Variants in DUSP26 observed in about 807,000 individuals in gnomAD.
DUSP26 encodes the protein dual specificity protein phosphatase 26.
A neutral mutation model predicts 20.0 loss-of-function variants in DUSP26; 12 were observed. The observed-to-expected ratio is 0.60, with a 90% CI of 0.38 to 0.97. The LOEUF is 0.97. DUSP26 is among the 50% of genes least tolerant of loss of function. The pLI is 0.00. For synonymous variants in DUSP26, 120 were observed against 118.8 expected (o/e 1.01, Z -0.06); for missense variants, 230 against 294.0 (o/e 0.78, Z 1.59).
At chr8:33,599,262 C>A (rs1165275518) in intron 1 of DUSP26, among the ~76,000 whole-genome samples, 1 of 152,152 alleles carries the variant, frequency 6.6e-6, no homozygotes, top group Non-Finnish European at 1.5e-5. Context: ...CTGCTGTCTA[C>A]GAGATGATGA....
chr8:33,591,653 T>G lies in DUSP26; in HGVS notation c.*360A>C. Reference sequence around the variant, plus strand: ...ACAAGTGCAGGGCAGAGATGGCCCTTTTGTTTTGGTGAGGGAGAGAGGGAA... The same window carrying G: ...ACAAGTGCAGGGCAGAGATGGCCCTGTTGTTTTGGTGAGGGAGAGAGGGAA... On this transcript the variant is annotated 3_prime_UTR_variant, in exon 4 of 4. Coordinates refer to ENST00000256261, the MANE Select transcript of DUSP26 (RefSeq NM_024025.3). The G allele has an allele frequency of 7.3e-6, 2 of 275,838 alleles. No individual in the cohort carries two copies. The highest frequency in any genetic ancestry group is 5.1e-5 in the Admixed American group (1 of 19,590). The allele number at this position is 275,838 out of a possible 1,614,324, so 17.1% of individuals were successfully genotyped here.
Position 33,591,947 on chromosome 8 carries a change from C to T in DUSP26, c.*66G>A. ...GCCTCCTGCTACCTGCCACCTGGGC[C>T]TCCTATCTCCAGCTGGGAGCCAGGG... On this transcript the variant is annotated 3_prime_UTR_variant, in exon 4 of 4. Transcript: ENST00000256261. 6.3e-7 allele frequency: 1 copy of T among 1,587,510 alleles called. No individual in the cohort carries two copies. Among genetic ancestry groups the T allele is most frequent in the Non-Finnish European group, 8.6e-7 (1 of 1,167,698 alleles).
rs913055635 is a variant in DUSP26 at position 33,591,481 on chromosome 8, C to T, written c.*532G>A. On this transcript the variant is annotated 3_prime_UTR_variant, in exon 4 of 4. Coordinates refer to ENST00000256261, the MANE Select transcript of DUSP26 (RefSeq NM_024025.3). Reference sequence around the variant, plus strand: ...AACCCTCACACGCTAGCTACCTCCTCCTGTGCTTGGAGTGGAAAGTCTGTG... The same window carrying T: ...AACCCTCACACGCTAGCTACCTCCTTCTGTGCTTGGAGTGGAAAGTCTGTG... The T allele has an allele frequency of 9.1e-5, 14 of 153,878 alleles. No homozygotes were observed. Among genetic ancestry groups the T allele is most frequent in the African/African-American group, 3.1e-4 (13 of 41,458 alleles). 9.5% of individuals were successfully genotyped at this position (153,878 alleles called of 1,614,324 possible).
chr8:33,591,672 G>C lies in DUSP26; in HGVS notation c.*341C>G. On this transcript the variant is annotated 3_prime_UTR_variant, in exon 4 of 4. Coordinates refer to ENST00000256261, the MANE Select transcript of DUSP26 (RefSeq NM_024025.3). The stretch of plus-strand genomic sequence containing the variant: ...GGCCCTTTTGTTTTGGTGAGGGAGA[G>C]AGGGAAACACTTGGGCACAAAGAGG... 3.2e-6 allele frequency: 1 copy of C among 314,626 alleles called. No individual in the cohort carries two copies. Among genetic ancestry groups the C allele is most frequent in the East Asian group, 8.7e-5 (1 of 11,518 alleles). The allele number at this position is 314,626 out of a possible 1,614,324, so 19.5% of individuals were successfully genotyped here.
intron 2 of DUSP26, among the ~76,000 whole-genome samples, chr8:33,594,282 A>C (rs1811091634): frequency 1.3e-5 from 2 of 151,982 alleles, no homozygotes; most frequent in Non-Finnish European, 2.9e-5. Context: ...GATGGGGTAA[A>C]AATAGCCATA....
Position 33,593,716 on chromosome 8 carries a change from G to T in DUSP26, c.253C>A (p.Arg85Ser), listed in dbSNP as rs376510848. The change falls in exon 3 of 4, where the codon CGC (arginine) becomes AGC (serine). Residue 85 changes from arginine (R) to serine (S), a missense_variant. Arg to Ser is a moderately radical substitution (Grantham distance 110). Coordinates refer to ENST00000256261, the MANE Select transcript of DUSP26 (RefSeq NM_024025.3). ...DMANNRRELR[R>S]LGITHVLNAS... ...TTGAGGACGTGCGTGATGCCCAGGC[G>T]GCGAAGCTCCCGGCGGTTGTTAGCC... is the stretch of plus-strand genomic sequence containing the variant. 1 of 1,614,214 alleles carries T rather than the reference G, an allele frequency of 6.2e-7. No homozygotes were observed. Among genetic ancestry groups the T allele is most frequent in the South Asian group, 1.1e-5 (1 of 91,080 alleles).
At chr8:33,595,814 A>C (rs760591983) in intron 2 of DUSP26, among the ~76,000 whole-genome samples, 1 of 152,016 alleles carries the variant, frequency 6.6e-6, no homozygotes, top group Non-Finnish European at 1.5e-5. Flanking sequence ...CAAACTCCTT[A>C]AGCAGAAAGA....
At chr8:33,593,890 G>T in intron 2 of DUSP26, 143 bp from the exon 3 acceptor site, 1 of 930,244 alleles carries the variant, frequency 1.1e-6, no homozygotes. Context: ...AGGCCAGAGT[G>T]CTCACTGCCA....
In DUSP26 at chr8:33,591,885, G is replaced by A. The variant is rs895474980; in HGVS notation, c.*128C>T. The A allele has an allele frequency of 1.1e-5, 12 of 1,075,932 alleles. No individual in the cohort carries two copies. The highest frequency in any genetic ancestry group is 3.2e-5 in the African/African-American group (2 of 62,830). The allele number at this position is 1,075,932 out of a possible 1,614,324, so 66.6% of individuals were successfully genotyped here. A position where few individuals can be genotyped will look rare whatever the true frequency, so the allele number is the denominator to read the frequency against. On this transcript the variant is annotated 3_prime_UTR_variant, in exon 4 of 4. Coordinates refer to ENST00000256261, the MANE Select transcript of DUSP26 (RefSeq NM_024025.3). ...AAAGAGTGACAGTGGCCTGGGGCTC[G>A]GCCTCTCCTGACCCCAGGGGAGGAT...
Position 33,597,323 on chromosome 8 carries a change from C to A in DUSP26, c.193G>T (p.Val65Phe), listed in dbSNP as rs1359887187. The change falls in exon 2 of 4, where the codon GTC becomes TTC. Residue 65 changes from valine to phenylalanine, a missense_variant. By Grantham distance (50) the Val-to-Phe change is conservative (BLOSUM62 -1). Transcript: ENST00000256261. ...TCTCCGAGATAGAGGCCTGGCCAGA[C>A]CTCGTCGGCATGGTTACAGGCTGTC... is the stretch of plus-strand genomic sequence containing the variant. Reference protein sequence around the residue: ...GKTACNHADEVWPGLYLGDQD... With the variant: ...GKTACNHADEFWPGLYLGDQD... 1 of 1,613,222 alleles carries A rather than the reference C, an allele frequency of 6.2e-7. No homozygotes were observed. The highest frequency in any genetic ancestry group is 8.5e-7 in the Non-Finnish European group (1 of 1,179,872).
chr8:33,592,538 CAAAAAAAAAAAAA>C (rs745687703), intron 3 of DUSP26, among the ~76,000 whole-genome samples: 3 of 23,768 alleles, frequency 1.3e-4, no homozygotes, highest in South Asian at 2.4e-3. Context: ...AACCCCATCT[CAAAAAAAAAAAAA>C]AAAAAAAAAA....
Position 33,597,324 on chromosome 8 carries a change from C to T in DUSP26, c.192G>A (p.Glu64=), listed in dbSNP as rs1811171095. 1 of 1,613,306 alleles carries T rather than the reference C, an allele frequency of 6.2e-7. No individual in the cohort carries two copies. Among genetic ancestry groups the T allele is most frequent in the Admixed American group, 1.7e-5 (1 of 59,936 alleles). Residue 64 remains glutamate (E), a synonymous_variant, in exon 2 of 4, where the codon GAG becomes GAA. Transcript: ENST00000256261. ...CTCCGAGATAGAGGCCTGGCCAGACCTCGTCGGCATGGTTACAGGCTGTCT... is the reference window on the plus strand; with the variant it reads ...CTCCGAGATAGAGGCCTGGCCAGACTTCGTCGGCATGGTTACAGGCTGTCT... ...TGKTACNHAD[E]VWPGLYLGDQ...
intron 2 of DUSP26, among the ~76,000 whole-genome samples, chr8:33,593,963 G>T (rs925957251): frequency 1.3e-5 from 2 of 152,098 alleles, no homozygotes; most frequent in African/African-American, 4.8e-5. Context: ...GGGATTACAG[G>T]CACATGCCAC....
Position 33,598,194 on chromosome 8 carries a change from G to A in DUSP26, c.-76-603C>T, listed in dbSNP as rs557217390. Among the ~76,000 whole-genome samples, 20 of 152,234 alleles carry A rather than the reference G, an allele frequency of 1.3e-4. No homozygotes were observed. In the South Asian group the frequency reaches 4.2e-3, roughly 32 times the overall value. On this transcript the variant is annotated intron_variant, in intron 1 of 3. Coordinates refer to ENST00000256261, the MANE Select transcript of DUSP26 (RefSeq NM_024025.3). The stretch of plus-strand genomic sequence containing the variant: ...GGGTGTGGTGGGGGTGGGATGGGGT[G>A]AGTGGAGAATAGCAATAAAGAGGAA...
Position 33,592,278 on chromosome 8 carries a change from G to T in DUSP26, c.437-66C>A, listed in dbSNP as rs1257514904. 10 of 1,442,814 alleles carry T rather than the reference G, an allele frequency of 6.9e-6. No individual in the cohort carries two copies. In the East Asian group the frequency reaches 2.5e-4, roughly 37 times the overall value. 89.4% of individuals were successfully genotyped at this position (1,442,814 alleles called of 1,614,324 possible). A position where few individuals can be genotyped will look rare whatever the true frequency, so the allele number is the denominator to read the frequency against. On this transcript the variant is annotated intron_variant, in intron 3 of 3. Coordinates refer to ENST00000256261, the MANE Select transcript of DUSP26 (RefSeq NM_024025.3). The stretch of plus-strand genomic sequence containing the variant: ...GGCAGCTTGGAGGAGGCTGGGGAAA[G>T]GGTGACATGGGGCCGGGCATGGTGG...
intron 3 of DUSP26, 56 bp from the exon 4 acceptor site, chr8:33,592,268 G>T (rs1016799902): frequency 4.0e-6 from 6 of 1,489,400 alleles, no homozygotes; most frequent in Non-Finnish European, 4.5e-6. Context: ...CTTGGAGGAG[G>T]CTGGGGAAAG....
In DUSP26 at chr8:33,591,443, T is replaced by C. The variant is rs933221627; in HGVS notation, c.*570A>G. The C allele has an allele frequency of 6.5e-6, 1 of 152,936 alleles. No individual in the cohort carries two copies. Among genetic ancestry groups the C allele is most frequent in the African/African-American group, 2.4e-5 (1 of 41,460 alleles). The allele number at this position is 152,936 out of a possible 1,614,324, so 9.5% of individuals were successfully genotyped here. A position where few individuals can be genotyped will look rare whatever the true frequency, so the allele number is the denominator to read the frequency against. ...ATGTTTTTGGCCCAAGCAGCAGCCG[T>C]GGGCCTAGTGCCAACCCTCACACGC... On this transcript the variant is annotated 3_prime_UTR_variant, in exon 4 of 4. Transcript: ENST00000256261.
chr8:33,596,456 C>T (rs997064423), intron 2 of DUSP26, among the ~76,000 whole-genome samples: 1 of 147,966 alleles, frequency 6.8e-6, no homozygotes, highest in Admixed American at 6.8e-5. Flanking sequence ...GCGGTGTGTG[C>T]CTGTAGTCCC....
At position 33,595,358 on chromosome 8, in the gene DUSP26, T is replaced by TTG. The variant is rs1554536720; in HGVS notation, c.222-1612_222-1611insCA. On this transcript the variant is annotated intron_variant, in intron 2 of 3. Transcript: ENST00000256261. ...CACATTTACTGTGACTGTGTTTTTT[T>TTG]TTGTTGTTGTTGTTGTTGTTTGTTT... Among the ~76,000 whole-genome samples the TTG allele has an allele frequency of 3.0e-3, 453 of 151,158 alleles. 1 individual carries two copies. The highest frequency in any genetic ancestry group is 0.01 in the African/African-American group (422 of 40,948).
Sources: allele counts gnomAD v4.1 joint callset (sites outside exome capture counted in the v4.1 genomes callset), GRCh38; gene constraint gnomAD v4.1.1; transcripts MANE v1.5; gene names NCBI Gene and HGNC (gene_info 2026-07-23, HGNC 2026-07-21).